The following SLC23A2 variants were observed in gnomAD, a reference collection of about 807,000 sequenced individuals.
SLC23A2 encodes the protein solute carrier family 23 member 2, also known as Na(+)/L-ascorbic acid transporter 2.
Under a neutral mutation model 73.3 loss-of-function variants are expected in SLC23A2, and 36 were observed. That is an observed-to-expected ratio of 0.49 (90% CI 0.38 to 0.65). SLC23A2 has a LOEUF of 0.65. Among genes scored for constraint, SLC23A2 ranks in the 30% least tolerant of loss-of-function variants. The pLI is 0.00. For missense variants in SLC23A2, 507 were observed against 841.6 expected, an observed-to-expected ratio of 0.60 and a Z score of 4.92; for synonymous variants, 343 against 327.3, an observed-to-expected ratio of 1.05 and a Z score of -0.52.
intron 6 of SLC23A2, among the ~76,000 whole-genome samples, chr20:4,889,256 G>C (rs6052957): frequency 3.3e-5 from 5 of 152,080 alleles, no homozygotes; most frequent in African/African-American, 1.2e-4. Context: ...TGGGTATTCC[G>C]GGCAGAGAGA....
chr20:4,912,005 T>A (rs1409972484), intron 4 of SLC23A2, among the ~76,000 whole-genome samples: 1 of 132,662 alleles, frequency 7.5e-6, no homozygotes, highest in African/African-American at 2.8e-5. Context: ...CCTGGATAAT[T>A]ATTTCTTTTT....
At chr20:4,930,043 G>A (rs1932770022) in intron 3 of SLC23A2, among the ~76,000 whole-genome samples, 1 of 152,164 alleles carries the variant, frequency 6.6e-6, no homozygotes, top group Admixed American at 6.5e-5. Flanking sequence ...CAAGGAATGA[G>A]GAAGCTGACA....
rs1041430106 is a variant in SLC23A2 at position 5,001,474 on chromosome 20, C to T, written c.-350G>A. 2.5e-4 allele frequency: 37 copies of T among 149,788 alleles called. No homozygotes were observed. Among genetic ancestry groups the T allele is most frequent in the African/African-American group, 9.0e-4 (37 of 41,116 alleles). The allele number at this position is 149,788 out of a possible 1,614,324, so 9.3% of individuals were successfully genotyped here. ...GCGCCGCAGTGCCCGCTGCAGCCTC[C>T]GCCTCCGGTCCCCGCGACAGCCGCC... On this transcript the variant is annotated 5_prime_UTR_variant, in exon 1 of 17. Transcript: ENST00000338244.
chr20:4,931,068 GAAAA>G (rs758041566), intron 3 of SLC23A2, among the ~76,000 whole-genome samples: 829 of 75,020 alleles, frequency 0.011, 3 homozygotes, highest in African/African-American at 0.038. Context: ...ATTTTTTTAA[GAAAA>G]AAAAAAAAAA....
chr20:4,993,628 T>C (rs994542458), intron 1 of SLC23A2, among the ~76,000 whole-genome samples: 1 of 152,036 alleles, frequency 6.6e-6, no homozygotes, highest in African/African-American at 2.4e-5. Context: ...AAATTCACAT[T>C]AATTTTAGAT....
chr20:4,906,535 G>A (rs903978281), intron 4 of SLC23A2, among the ~76,000 whole-genome samples: 5 of 151,618 alleles, frequency 3.3e-5, no homozygotes, highest in African/African-American at 4.9e-5. Context: ...CAGGAGAATC[G>A]CTTCAACCCA....
At chr20:4,955,382 CACACACACACACACA>C (rs2087269501) in intron 2 of SLC23A2, among the ~76,000 whole-genome samples, 1 of 151,894 alleles carries the variant, frequency 6.6e-6, no homozygotes, top group African/African-American at 2.4e-5. Context: ...CACACACACA[CACACACACACACACA>C]CCCTAGAATA....
At chr20:4,988,984 C>A (rs2087878876) in intron 1 of SLC23A2, among the ~76,000 whole-genome samples, 1 of 151,884 alleles carries the variant, frequency 6.6e-6, no homozygotes. Flanking sequence ...CATTTGTAAT[C>A]CCAGCACTTT....
chr20:4,988,591 C>T (rs2087869446), intron 1 of SLC23A2, among the ~76,000 whole-genome samples: 1 of 151,806 alleles, frequency 6.6e-6, no homozygotes, highest in South Asian at 2.1e-4. Context: ...CAAAAATTTG[C>T]CAGGCATGGT....
chr20:4,908,048 GA>G (rs996411962), intron 4 of SLC23A2, among the ~76,000 whole-genome samples: 1 of 151,790 alleles, frequency 6.6e-6, no homozygotes, highest in Admixed American at 6.6e-5. Context: ...GTGCTAAGAG[GA>G]AAAAAAAGAT....
intron 3 of SLC23A2, among the ~76,000 whole-genome samples, chr20:4,926,154 C>G (rs1358236908): frequency 6.6e-6 from 1 of 152,220 alleles, no homozygotes; most frequent in Non-Finnish European, 1.5e-5. Context: ...TTCTCCCACT[C>G]TCTGGTAAGA....
chr20:5,002,936 C>G (rs2088147076), upstream of SLC23A2, among the ~76,000 whole-genome samples: 1 of 152,118 alleles, frequency 6.6e-6, no homozygotes, highest in Admixed American at 6.6e-5. Flanking sequence ...TTAACCTTGA[C>G]AAAATGAACC....
At chr20:4,915,051 T>C (rs569401270) in intron 3 of SLC23A2, among the ~76,000 whole-genome samples, 1 of 149,808 alleles carries the variant, frequency 6.7e-6, no homozygotes, top group East Asian at 1.9e-4. Context: ...AGCTAGCTGA[T>C]GTACTAATTA....
intron 6 of SLC23A2, among the ~76,000 whole-genome samples, chr20:4,898,857 G>T (rs575578886): frequency 1.3e-5 from 2 of 152,340 alleles, no homozygotes; most frequent in African/African-American, 4.8e-5. Context: ...ATGAAAACAA[G>T]GTGGGAATTC....
chr20:4,920,135 C>T (rs1013670083), intron 3 of SLC23A2, among the ~76,000 whole-genome samples: 4 of 152,162 alleles, frequency 2.6e-5, no homozygotes, highest in African/African-American at 9.7e-5. Context: ...GAGGCTCGCG[C>T]CTGTAATCCT....
chr20:4,950,470 G>A (rs1519865), intron 2 of SLC23A2, among the ~76,000 whole-genome samples: 22,374 of 152,106 alleles, frequency 0.15, 2,701 homozygotes, highest in African/African-American at 0.33. Context: ...GTTCAACGTG[G>A]CATCCAGCAG....
At chr20:4,869,743 G>A (rs1036505909) in intron 12 of SLC23A2, 163 bp downstream of exon 12, 12 of 573,344 alleles carry the variant, frequency 2.1e-5, no homozygotes, top group East Asian at 1.4e-4. Flanking sequence ...TCAGACAGTC[G>A]AAAGTAAACA....
chr20:4,943,447 C>T (rs749697159), intron 2 of SLC23A2, among the ~76,000 whole-genome samples: 1 of 151,706 alleles, frequency 6.6e-6, no homozygotes, highest in East Asian at 1.9e-4. Flanking sequence ...GCAGGCGGAT[C>T]GCTTGAGCCC....
chr20:4,976,598 C>T (rs2087647241), intron 1 of SLC23A2, among the ~76,000 whole-genome samples: 1 of 151,264 alleles, frequency 6.6e-6, no homozygotes, highest in South Asian at 2.1e-4. Flanking sequence ...ATTGCTTGAA[C>T]CCGGAGGCAG....
Sources: gnomAD v4.1 joint callset for allele counts (sites outside exome capture counted in the v4.1 genomes callset) on GRCh38, gnomAD v4.1.1 for gene constraint, MANE v1.5 for transcripts, NCBI Gene and HGNC (gene_info 2026-07-23, HGNC 2026-07-21) for gene names.